The following SLC24A2 variants were observed in gnomAD, a reference collection of about 807,000 sequenced individuals.
SLC24A2 encodes solute carrier family 24 member 2.
A neutral mutation model predicts 62.0 loss-of-function variants in SLC24A2; 36 were observed. That is an observed-to-expected ratio of 0.58 (90% CI 0.44 to 0.77). The LOEUF is 0.77. SLC24A2 is among the 30% of genes least tolerant of loss of function. SLC24A2 has a pLI of 0.00. For synonymous variants in SLC24A2, 358 were observed against 294.0 expected (o/e 1.22, Z -2.23); for missense variants, 846 against 817.9 (o/e 1.03, Z -0.42).
chr9:20,015,137 A>C, the SLC24A2 span, among the ~76,000 whole-genome samples: 2 of 152,226 alleles, frequency 1.3e-5, no homozygotes, highest in Middle Eastern at 3.2e-3. Context: ...CTCAATCTCT[A>C]AATGATTCTC....
the SLC24A2 span, among the ~76,000 whole-genome samples, chr9:20,136,701 C>T: frequency 3.3e-5 from 5 of 152,104 alleles, no homozygotes; most frequent in African/African-American, 1.2e-4. Flanking sequence ...TAACTGATCA[C>T]AGCTTCTAAG....
At chr9:20,215,353 T>A in the SLC24A2 span, among the ~76,000 whole-genome samples, 1 of 152,174 alleles carries the variant, frequency 6.6e-6, no homozygotes, top group Non-Finnish European at 1.5e-5. Context: ...ATTCAGACCA[T>A]AGCACTAAGA....
the SLC24A2 span, among the ~76,000 whole-genome samples, chr9:19,848,899 C>G: frequency 6.6e-6 from 1 of 152,136 alleles, no homozygotes; most frequent in Non-Finnish European, 1.5e-5. Flanking sequence ...GAATTCTAAC[C>G]AGCTGCTATT....
At chr9:20,186,364 G>C in the SLC24A2 span, among the ~76,000 whole-genome samples, 10 of 152,110 alleles carry the variant, frequency 6.6e-5, no homozygotes, top group Non-Finnish European at 1.2e-4. Flanking sequence ...TTCTGACTGA[G>C]ATATTCTAAC....
chr9:20,205,017 T>A, the SLC24A2 span, among the ~76,000 whole-genome samples: 1 of 152,248 alleles, frequency 6.6e-6, no homozygotes, highest in Middle Eastern at 3.4e-3. Flanking sequence ...AGTGCTGGGA[T>A]TGCAGGCGTG....
the SLC24A2 span, among the ~76,000 whole-genome samples, chr9:20,214,535 G>A: frequency 5.9e-5 from 9 of 151,850 alleles, no homozygotes; most frequent in South Asian, 1.9e-3. Flanking sequence ...GAATGGCGTG[G>A]ACCCAGGAGG....
chr9:20,105,100 A>G, the SLC24A2 span, among the ~76,000 whole-genome samples: 1 of 152,208 alleles, frequency 6.6e-6, no homozygotes, highest in Non-Finnish European at 1.5e-5. Flanking sequence ...AGAGACAAAG[A>G]AGGCCATTAC....
the SLC24A2 span, among the ~76,000 whole-genome samples, chr9:20,119,421 A>C: frequency 6.6e-6 from 1 of 152,182 alleles, no homozygotes; most frequent in Non-Finnish European, 1.5e-5. Context: ...GATATATAAA[A>C]CAGGAATTCC....
At chr9:19,657,309 C>A (rs75642022) in intron 2 of SLC24A2, among the ~76,000 whole-genome samples, 1,990 of 152,174 alleles carry the variant, frequency 0.013, 60 homozygotes, top group East Asian at 0.12. Flanking sequence ...TGTCTTATTC[C>A]TTCTCCCACA....
the SLC24A2 span, among the ~76,000 whole-genome samples, chr9:19,900,240 T>G: frequency 6.6e-6 from 1 of 152,344 alleles, no homozygotes; most frequent in East Asian, 1.9e-4. Flanking sequence ...CTGATGTGTG[T>G]GATAAATGGC....
intron 8 of SLC24A2, among the ~76,000 whole-genome samples, chr9:19,540,608 A>G (rs1834203833): frequency 6.8e-6 from 1 of 146,120 alleles, no homozygotes; most frequent in Non-Finnish European, 1.5e-5. Context: ...TTTGAGGGTA[A>G]CCTGACCTTT....
At chr9:19,794,355 G>C in the SLC24A2 span, among the ~76,000 whole-genome samples, 2 of 152,128 alleles carry the variant, frequency 1.3e-5, no homozygotes, top group Non-Finnish European at 2.9e-5. Context: ...TGCAGGAACA[G>C]AAAACCAATA....
the SLC24A2 span, among the ~76,000 whole-genome samples, chr9:20,102,484 G>A: frequency 2.7e-5 from 4 of 147,924 alleles, no homozygotes; most frequent in Non-Finnish European, 6.0e-5. Flanking sequence ...ACACACTGGG[G>A]CCTGTGAGGG....
the SLC24A2 span, among the ~76,000 whole-genome samples, chr9:19,850,951 A>T: frequency 1.4e-4 from 4 of 28,056 alleles, 1 homozygote; most frequent in Non-Finnish European, 3.6e-4. Flanking sequence ...ATATACATAT[A>T]TATATATATA....
In SLC24A2 at chr9:19,576,868, C is replaced by G. The variant is rs185738663; in HGVS notation, c.1228+56G>C. Reference sequence around the variant, plus strand: ...GGGTGCCCACACTGGTCCTGACTCTCTGCTCCCCTCGCTTCCCCCAGGAAA... The same window carrying G: ...GGGTGCCCACACTGGTCCTGACTCTGTGCTCCCCTCGCTTCCCCCAGGAAA... On this transcript the variant is annotated intron_variant, in intron 6 of 10. Coordinates refer to ENST00000341998, the MANE Select transcript of SLC24A2 (RefSeq NM_020344.4). 3.7e-6 allele frequency: 5 copies of G among 1,345,280 alleles called. No homozygotes were observed. The African/African-American group carries it at 7.2e-5, about 19-fold the overall frequency. The allele number at this position is 1,345,280 out of a possible 1,614,324, so 83.3% of individuals were successfully genotyped here.
chr9:19,980,017 G>T, the SLC24A2 span, among the ~76,000 whole-genome samples: 4 of 152,182 alleles, frequency 2.6e-5, no homozygotes, highest in Non-Finnish European at 5.9e-5. Flanking sequence ...TCACTGCCTA[G>T]CAGAGAAAGC....
chr9:20,154,811 G>A, the SLC24A2 span, among the ~76,000 whole-genome samples: 1 of 151,682 alleles, frequency 6.6e-6, no homozygotes, highest in Admixed American at 6.6e-5. Flanking sequence ...CTTTCCAGAT[G>A]TGTTTCCCCC....
At chr9:19,815,485 T>G in the SLC24A2 span, among the ~76,000 whole-genome samples, 2 of 152,308 alleles carry the variant, frequency 1.3e-5, no homozygotes, top group African/African-American at 4.8e-5. Flanking sequence ...ATTACTGTTT[T>G]TGCATCATTT....
chr9:19,908,310 C>T, the SLC24A2 span, among the ~76,000 whole-genome samples: 1 of 152,112 alleles, frequency 6.6e-6, no homozygotes, highest in Non-Finnish European at 1.5e-5. Flanking sequence ...GGATCCCTTC[C>T]TTACACCTTA....
Sources: allele counts gnomAD v4.1 joint callset (sites outside exome capture counted in the v4.1 genomes callset), GRCh38; gene constraint gnomAD v4.1.1; transcripts MANE v1.5; gene names NCBI Gene and HGNC (gene_info 2026-07-23, HGNC 2026-07-21).